Variants in NRXN3 observed in about 807,000 individuals in gnomAD.
The protein encoded by NRXN3 is neurexin 3.
In NRXN3, 32 loss-of-function variants were observed where a neutral mutation model predicts 137.6. The ratio of observed to expected loss-of-function variants is 0.23; its 90% CI spans 0.18 to 0.31. The LOEUF is 0.31. Ranked by LOEUF, NRXN3 falls within the 10% of genes least tolerant of loss-of-function variation. The probability of loss-of-function intolerance (pLI) is 1.00; values close to 1 mark genes in which losing one functional copy is unlikely to be tolerated. For synonymous variants in NRXN3, 798 were observed against 784.5 expected (o/e 1.02, Z -0.29); for missense variants, 1,574 against 2,062.5 (o/e 0.76, Z 4.59).
intron 1 of NRXN3, among the ~76,000 whole-genome samples, chr14:78,217,067 A>G (rs916249426): frequency 1.3e-5 from 2 of 152,140 alleles, no homozygotes; most frequent in Non-Finnish European, 2.9e-5. Context: ...AGGTGTTAAG[A>G]CTTCAACATG....
intron 4 of NRXN3, among the ~76,000 whole-genome samples, chr14:78,531,226 T>G (rs2096457478): frequency 6.6e-6 from 1 of 152,118 alleles, no homozygotes; most frequent in East Asian, 1.9e-4. Flanking sequence ...AATGTCAGAG[T>G]TAGCCTACCC....
chr14:79,260,937 A>G (rs1597991870), intron 15 of NRXN3, among the ~76,000 whole-genome samples: 1 of 152,322 alleles, frequency 6.6e-6, no homozygotes, highest in Non-Finnish European at 1.5e-5. Flanking sequence ...TCACCATTAC[A>G]GATTTGATAA....
chr14:79,753,442 T>C (rs1223628340), intron 19 of NRXN3, among the ~76,000 whole-genome samples: 4 of 151,394 alleles, frequency 2.6e-5, no homozygotes, highest in African/African-American at 9.7e-5. Flanking sequence ...AAATTGGAAA[T>C]CATCTTTCTC....
At chr14:78,879,133 G>A (rs567312922) in intron 10 of NRXN3, among the ~76,000 whole-genome samples, 4 of 152,040 alleles carry the variant, frequency 2.6e-5, no homozygotes, top group Admixed American at 6.6e-5. Context: ...GGTTGATTCC[G>A]TATGTTTAGC....
At chr14:79,295,818 T>G (rs1378632544) in intron 15 of NRXN3, among the ~76,000 whole-genome samples, 4 of 152,202 alleles carry the variant, frequency 2.6e-5, no homozygotes, top group African/African-American at 9.6e-5. Context: ...GACTCCATAA[T>G]ATCTGGTCTG....
intron 19 of NRXN3, among the ~76,000 whole-genome samples, chr14:79,724,823 G>C (rs1287673502): frequency 6.6e-6 from 1 of 152,032 alleles, no homozygotes; most frequent in Non-Finnish European, 1.5e-5. Flanking sequence ...AAGTGTATTG[G>C]GGACACTGAG....
intron 4 of NRXN3, among the ~76,000 whole-genome samples, chr14:78,368,035 C>G (rs2086236479): frequency 6.6e-6 from 1 of 152,218 alleles, no homozygotes; most frequent in African/African-American, 2.4e-5. Flanking sequence ...CCTATCTATT[C>G]ATTGAAGCCC....
intron 4 of NRXN3, among the ~76,000 whole-genome samples, chr14:78,628,892 A>C (rs923930850): frequency 2.6e-5 from 4 of 152,180 alleles, no homozygotes; most frequent in African/African-American, 9.7e-5. Flanking sequence ...TTTTGGTAGG[A>C]GAAACAAGAA....
chr14:78,987,309 A>T (rs1308448878), intron 14 of NRXN3, among the ~76,000 whole-genome samples: 1 of 152,192 alleles, frequency 6.6e-6, no homozygotes, highest in South Asian at 2.1e-4. Context: ...TAAGTTGGAC[A>T]TCAGCATCCT....
At chr14:79,006,199 G>C (rs543038849) in intron 15 of NRXN3, among the ~76,000 whole-genome samples, 1 of 112,896 alleles carries the variant, frequency 8.9e-6, no homozygotes, top group Non-Finnish European at 1.5e-5. Context: ...CAGACAACAC[G>C]TGGCTGCATA....
rs186091156 is a variant in NRXN3, at chr14:78,290,944, G to C, written c.728-6887G>C. On this transcript the variant is annotated intron_variant, in intron 3 of 20. Transcript: ENST00000335750. ...AGAGAGAAGTGGCTTTATGCCACTA[G>C]ATAACTTGGGAAAGGAAGAATTTCA... Among the ~76,000 whole-genome samples, 257 of 152,310 alleles carry C rather than the reference G, an allele frequency of 1.7e-3. 1 individual carries two copies. The highest frequency in any genetic ancestry group is 6.8e-3 in the Middle Eastern group (2 of 294).
At chr14:79,804,394 A>G (rs2099195130) in intron 19 of NRXN3, among the ~76,000 whole-genome samples, 1 of 152,082 alleles carries the variant, frequency 6.6e-6, no homozygotes, top group South Asian at 2.1e-4. Context: ...GGGACTGGGG[A>G]GTTTCTGCGA....
chr14:79,246,618 G>A (rs536760874), intron 15 of NRXN3: 15 of 152,120 alleles, frequency 9.9e-5, no homozygotes, highest in African/African-American at 3.4e-4. Context: ...TAAATGTCAG[G>A]TGTTTTGAAA....
chr14:78,986,209 AAT>A (rs1225403473), intron 14 of NRXN3, among the ~76,000 whole-genome samples: 1 of 152,110 alleles, frequency 6.6e-6, no homozygotes, highest in Non-Finnish European at 1.5e-5. Flanking sequence ...TTGCAATGGT[AAT>A]ATGTTTTACC....
rs1047421689 is a variant in NRXN3, at chr14:79,862,188, C to G, written c.*224C>G. 4 of 505,152 alleles carry G rather than the reference C, an allele frequency of 7.9e-6. No homozygotes were observed. The highest frequency in any genetic ancestry group is 5.8e-5 in the African/African-American group (3 of 52,006). 31.3% of individuals were successfully genotyped at this position (505,152 alleles called of 1,614,324 possible). A position where few individuals can be genotyped will look rare whatever the true frequency, so the allele number is the denominator to read the frequency against. On this transcript the variant is annotated 3_prime_UTR_variant, in exon 21 of 21. Coordinates refer to ENST00000335750, the MANE Select transcript of NRXN3 (RefSeq NM_001330195.2). The stretch of plus-strand genomic sequence containing the variant: ...ACGGCTGCGGCAAGGTCCCAGCGGT[C>G]GCTGGGAGACAGAAGGTTTTGTGCC...
intron 16 of NRXN3, among the ~76,000 whole-genome samples, chr14:79,571,115 T>G (rs554190229): frequency 6.6e-6 from 1 of 152,288 alleles, no homozygotes; most frequent in South Asian, 2.1e-4. Context: ...TAAAATGCTA[T>G]TCATTCTTCC....
intron 15 of NRXN3, among the ~76,000 whole-genome samples, chr14:79,395,170 T>C (rs1358424304): frequency 6.6e-6 from 1 of 152,194 alleles, no homozygotes; most frequent in African/African-American, 2.4e-5. Flanking sequence ...ATATGAAATA[T>C]TCCCTTTACA....
chr14:79,656,895 C>T (rs2098509023), intron 16 of NRXN3, among the ~76,000 whole-genome samples: 1 of 152,080 alleles, frequency 6.6e-6, no homozygotes, highest in Non-Finnish European at 1.5e-5. Flanking sequence ...TATGAATTTT[C>T]TAGGGACAAT....
chr14:78,267,303 G>A (rs998709491), intron 2 of NRXN3, among the ~76,000 whole-genome samples: 1 of 152,122 alleles, frequency 6.6e-6, no homozygotes, highest in African/African-American at 2.4e-5. Context: ...AGCAATATTG[G>A]CATTTGAGCT....
Sources: gnomAD v4.1 joint callset for allele counts (sites outside exome capture counted in the v4.1 genomes callset) on GRCh38, gnomAD v4.1.1 for gene constraint, MANE v1.5 for transcripts, NCBI Gene and HGNC (gene_info 2026-07-23, HGNC 2026-07-21) for gene names.